CPNE4: variants seen among roughly 807,000 people sequenced by gnomAD.
CPNE4 encodes copine-4.
CPNE4 carries 25 observed loss-of-function variants against 67.9 expected under a neutral mutation model. The observed-to-expected ratio is 0.37, with a 90% CI of 0.27 to 0.51. The LOEUF is 0.51. Ranked by LOEUF, CPNE4 falls within the 20% of genes least tolerant of loss-of-function variation. The pLI, the probability that CPNE4 is intolerant of heterozygous loss-of-function variation, is 0.93. For missense variants in CPNE4, 464 were observed against 690.8 expected (o/e 0.67, Z 3.68); for synonymous variants, 242 against 244.9 (o/e 0.99, Z 0.11).
At chr3:131,710,616 T>C (rs2081534639) in intron 3 of CPNE4, among the ~76,000 whole-genome samples, 1 of 152,182 alleles carries the variant, frequency 6.6e-6, no homozygotes, top group Non-Finnish European at 1.5e-5. Flanking sequence ...CAACTTACTG[T>C]CAGTGTACTC....
intron 1 of CPNE4, among the ~76,000 whole-genome samples, chr3:132,033,849 T>A (rs1432109063): frequency 6.6e-6 from 1 of 152,200 alleles, no homozygotes; most frequent in Admixed American, 6.5e-5. Context: ...CGTGTGTCTG[T>A]GATACCACGC....
At chr3:131,656,357 A>G (rs1023417709) in intron 7 of CPNE4, among the ~76,000 whole-genome samples, 3 of 152,214 alleles carry the variant, frequency 2.0e-5, no homozygotes, top group African/African-American at 7.2e-5. Flanking sequence ...AACTGATGTG[A>G]TGGAAACATT....
chr3:131,622,337 A>G (rs528905594), intron 7 of CPNE4, among the ~76,000 whole-genome samples: 1 of 152,316 alleles, frequency 6.6e-6, no homozygotes, highest in African/African-American at 2.4e-5. Flanking sequence ...CTACACTAGG[A>G]AGAATGGCAA....
chr3:131,952,725 C>A, intron 1 of CPNE4, among the ~76,000 whole-genome samples: 1 of 152,024 alleles, frequency 6.6e-6, no homozygotes, highest in African/African-American at 2.4e-5. Flanking sequence ...CCGGCCACCA[C>A]CCCGTCTGGG....
chr3:131,874,094 C>CT (rs11398327), intron 2 of CPNE4, among the ~76,000 whole-genome samples: 44,909 of 145,738 alleles, frequency 0.31, 7,398 homozygotes, highest in Non-Finnish European at 0.37. Context: ...TGTTTCTTTT[C>CT]TTTTTTTTTT....
At chr3:131,578,466 C>T (rs747521998) in intron 9 of CPNE4, among the ~76,000 whole-genome samples, 8 of 152,088 alleles carry the variant, frequency 5.3e-5, no homozygotes, top group African/African-American at 9.7e-5. Context: ...AATAACCCTA[C>T]AATGGCCTCT....
intron 5 of CPNE4, 40 bp from the exon 6 acceptor site, chr3:131,685,998 C>T (rs757144985): frequency 7.3e-6 from 8 of 1,102,046 alleles, no homozygotes; most frequent in Non-Finnish European, 8.3e-6. Flanking sequence ...TTTCCTCCTG[C>T]ATTTGATCTA....
chr3:132,017,970 C>A (rs1188300205), intron 1 of CPNE4, among the ~76,000 whole-genome samples: 3 of 152,094 alleles, frequency 2.0e-5, no homozygotes, highest in Non-Finnish European at 2.9e-5. Context: ...TCCTCCTCCA[C>A]CCACCCCTAA....
In CPNE4 at chr3:131,694,313, T is replaced by A. The variant is rs138056313; in HGVS notation, c.507+2229A>T. ...TATAAAATTGTTTAATGCTAAAAGC[T>A]AGAAAAGGGTCCTCCTTGAGAGCAT... On this transcript the variant is annotated intron_variant, in intron 5 of 15. Coordinates refer to ENST00000429747, the MANE Select transcript of CPNE4 (RefSeq NM_130808.3). 3.9e-3 allele frequency among the ~76,000 whole-genome samples: 599 copies of A among 152,324 alleles called. 3 individuals are homozygous for A. The highest frequency in any genetic ancestry group is 0.014 in the African/African-American group (567 of 41,578).
rs535821394 is a variant in CPNE4, at chr3:131,705,558, T to G, written c.361-5578A>C. On this transcript the variant is annotated intron_variant, in intron 3 of 15. Coordinates refer to ENST00000429747, the MANE Select transcript of CPNE4 (RefSeq NM_130808.3). ...GGAAGGCACAATGCTGACACTTTCT[T>G]GGCCACTCTGGGGAAGGAAAGGGTG... is the stretch of plus-strand genomic sequence containing the variant. Among the ~76,000 whole-genome samples, 16 of 152,342 alleles carry G rather than the reference T, an allele frequency of 1.1e-4. No homozygotes were observed. The East Asian group carries it at 3.1e-3, about 29-fold the overall frequency.
At chr3:131,813,784 A>G (rs2084626642) in intron 2 of CPNE4, among the ~76,000 whole-genome samples, 1 of 152,186 alleles carries the variant, frequency 6.6e-6, no homozygotes, top group Non-Finnish European at 1.5e-5. Context: ...GAGAAGTCCC[A>G]GAACACTTAT....
intron 2 of CPNE4, among the ~76,000 whole-genome samples, chr3:131,761,562 C>A (rs1185896733): frequency 6.6e-6 from 1 of 152,014 alleles, no homozygotes. Context: ...GTTCTGGGAG[C>A]TTTTATCAAT....
intron 1 of CPNE4, among the ~76,000 whole-genome samples, chr3:131,953,828 G>A (rs1353243006): frequency 2.6e-5 from 4 of 152,126 alleles, no homozygotes; most frequent in Non-Finnish European, 5.9e-5. Context: ...ACGTTTGATA[G>A]AAAAGTAGAA....
chr3:131,863,695 A>C (rs1371928075), intron 2 of CPNE4, among the ~76,000 whole-genome samples: 1 of 152,090 alleles, frequency 6.6e-6, no homozygotes, highest in Non-Finnish European at 1.5e-5. Context: ...GCTGTGCAGA[A>C]GCTCTTTAGT....
intron 1 of CPNE4, among the ~76,000 whole-genome samples, chr3:131,971,574 A>T (rs1437479810): frequency 6.6e-6 from 1 of 152,200 alleles, no homozygotes; most frequent in Non-Finnish European, 1.5e-5. Flanking sequence ...CCAGAGGGTT[A>T]TCTGAACTCA....
intron 9 of CPNE4, among the ~76,000 whole-genome samples, chr3:131,577,280 C>T (rs1559927085): frequency 1.3e-5 from 2 of 152,020 alleles, no homozygotes; most frequent in East Asian, 1.9e-4. Context: ...TATGTATACA[C>T]ACACATAAAC....
chr3:131,719,926 G>A (rs573556413), intron 3 of CPNE4, among the ~76,000 whole-genome samples: 79 of 152,320 alleles, frequency 5.2e-4, no homozygotes, highest in African/African-American at 1.8e-3. Flanking sequence ...CCAAACTCTT[G>A]CAAGTGGGTG....
chr3:131,686,279 C>G (rs968301491), intron 5 of CPNE4, among the ~76,000 whole-genome samples: 2 of 152,174 alleles, frequency 1.3e-5, no homozygotes, highest in Non-Finnish European at 2.9e-5. Context: ...CTTCAAAGAT[C>G]AGTTCAAATT....
intron 1 of CPNE4, among the ~76,000 whole-genome samples, chr3:132,000,892 CCCTT>C (rs917492914): frequency 6.6e-6 from 1 of 151,268 alleles, no homozygotes; most frequent in African/African-American, 2.4e-5. Context: ...CATTATATCT[CCCTT>C]AATATCCACA....
Sources: allele counts gnomAD v4.1 joint callset (sites outside exome capture counted in the v4.1 genomes callset), GRCh38; gene constraint gnomAD v4.1.1; transcripts MANE v1.5; gene names NCBI Gene and HGNC (gene_info 2026-07-23, HGNC 2026-07-21).